KIAA0232: variants seen among roughly 807,000 people sequenced by gnomAD.
KIAA0232 encodes the protein KIAA0232, also known as uncharacterized protein KIAA0232.
A neutral mutation model predicts 122.0 loss-of-function variants in KIAA0232; 27 were observed. The observed-to-expected ratio is 0.22, with a 90% CI of 0.16 to 0.31. The LOEUF is 0.31. Among genes scored for constraint, KIAA0232 ranks in the 10% least tolerant of loss-of-function variants. The pLI, the probability that KIAA0232 is intolerant of heterozygous loss-of-function variation, is 1.00. For synonymous variants in KIAA0232, 613 were observed against 587.6 expected (o/e 1.04, Z -0.63); for missense variants, 1,551 against 1,634.2 (o/e 0.95, Z 0.88).
chr4:6,829,645 A>C (rs954120213), intron 3 of KIAA0232, among the ~76,000 whole-genome samples: 4 of 152,242 alleles, frequency 2.6e-5, no homozygotes, highest in African/African-American at 9.6e-5. Flanking sequence ...AGTGAATGGC[A>C]TGGCAGTGTG....
intron 1 of KIAA0232, among the ~76,000 whole-genome samples, chr4:6,796,005 G>A (rs939777250): frequency 2.0e-5 from 3 of 152,214 alleles, no homozygotes; most frequent in Non-Finnish European, 2.9e-5. Flanking sequence ...CTGGGAAGAG[G>A]AGGAGCAGCC....
chr4:6,858,575 T>G, intron 6 of KIAA0232, 69 bp downstream of exon 6: 2 of 989,712 alleles, frequency 2.0e-6, no homozygotes, highest in Non-Finnish European at 3.0e-6. Context: ...GCTACATGGT[T>G]TCCGTTTTCT....
intron 4 of KIAA0232, among the ~76,000 whole-genome samples, chr4:6,856,712 CA>C (rs760896561): frequency 3.4e-5 from 5 of 148,608 alleles, no homozygotes; most frequent in Non-Finnish European, 5.9e-5. Context: ...TTGTTTTCTT[CA>C]GGGTGTGAGC....
Position 6,861,108 on chromosome 4 carries a change from T to C in KIAA0232, c.726T>C (p.Thr242=). 2 of 1,614,122 alleles carry C rather than the reference T, an allele frequency of 1.2e-6. No homozygotes were observed. Among genetic ancestry groups the C allele is most frequent in the Non-Finnish European group, 1.7e-6 (2 of 1,180,008 alleles). The stretch of plus-strand genomic sequence containing the variant: ...AAAGAAGCAGTGAAGTACCCACCAC[T>C]GTGCATGAGAAAACCCAGAGCAAAA... ...TKERSSEVPT[T]VHEKTQSKSK... Residue 242 remains threonine (T), a synonymous_variant, in exon 7 of 10, where the codon ACT becomes ACC. Coordinates refer to ENST00000307659, the MANE Select transcript of KIAA0232 (RefSeq NM_014743.3).
chr4:6,878,864 G>A (rs998194323), intron 9 of KIAA0232, among the ~76,000 whole-genome samples: 1 of 152,136 alleles, frequency 6.6e-6, no homozygotes, highest in African/African-American at 2.4e-5. Flanking sequence ...CATCGTCCAC[G>A]TCCTGCTGCC....
intron 3 of KIAA0232, among the ~76,000 whole-genome samples, chr4:6,838,813 T>C (rs1054694718): frequency 3.3e-5 from 5 of 151,556 alleles, no homozygotes; most frequent in African/African-American, 4.9e-5. Context: ...TTTTTGGTAG[T>C]TTATGAATTG....
intron 4 of KIAA0232, among the ~76,000 whole-genome samples, chr4:6,854,134 G>A (rs1444311696): frequency 6.6e-6 from 1 of 152,060 alleles, no homozygotes; most frequent in African/African-American, 2.4e-5. Flanking sequence ...TTGAAGTGAT[G>A]AATCAAAAAA....
rs1716744219 is a variant in KIAA0232, at chr4:6,788,651, A to AATT, written c.-354+5810_-354+5811insATT. ...TCTGATTTCCTCTAGTGTGCAATATAGTCTTTTACATAGTACTCATTTGTT... is the reference window on the plus strand; with the variant it reads ...TCTGATTTCCTCTAGTGTGCAATATAATTGTCTTTTACATAGTACTCATTTGTT... On this transcript the variant is annotated intron_variant, in intron 1 of 9. Transcript: ENST00000307659. 2.6e-5 allele frequency among the ~76,000 whole-genome samples: 4 copies of AATT among 152,244 alleles called. 1 individual carries two copies. The highest frequency in any genetic ancestry group is 4.1e-4 in the South Asian group (2 of 4,832).
chr4:6,795,467 A>G lies in KIAA0232; in HGVS notation c.-353-9056A>G, dbSNP rs1012726943. Among the ~76,000 whole-genome samples the G allele has an allele frequency of 2.0e-5, 3 of 152,228 alleles. No homozygotes were observed. In the South Asian group the frequency reaches 6.2e-4, roughly 32 times the overall value. On this transcript the variant is annotated intron_variant, in intron 1 of 9. Coordinates refer to ENST00000307659, the MANE Select transcript of KIAA0232 (RefSeq NM_014743.3). ...TGCCAAAGACAGTGTGAAAAATTAC[A>G]ATGTAACATATATCATTAATTTTTA...
At chr4:6,825,929 C>A (rs1718655521) in intron 3 of KIAA0232, among the ~76,000 whole-genome samples, 1 of 152,140 alleles carries the variant, frequency 6.6e-6, no homozygotes, top group Non-Finnish European at 1.5e-5. Context: ...CTATAAATAA[C>A]ACATACAGAG....
intron 2 of KIAA0232, among the ~76,000 whole-genome samples, chr4:6,822,509 C>T (rs1297724751): frequency 6.6e-6 from 1 of 151,956 alleles, no homozygotes; most frequent in Non-Finnish European, 1.5e-5. Flanking sequence ...TTTGGTAGCC[C>T]TCTTATTATC....
At chr4:6,841,936 A>G (rs1719683552) in intron 3 of KIAA0232, 131 bp from the exon 4 acceptor site, 4 of 1,048,346 alleles carry the variant, frequency 3.8e-6, no homozygotes, top group Non-Finnish European at 5.5e-6. Flanking sequence ...CGTCGCAGAA[A>G]TAGACAAGCC....
intron 1 of KIAA0232, among the ~76,000 whole-genome samples, chr4:6,795,274 G>A (rs879696966): frequency 6.6e-6 from 1 of 152,002 alleles, no homozygotes; most frequent in African/African-American, 2.4e-5. Flanking sequence ...GGGTTTCATC[G>A]TGCTAGCCAG....
intron 2 of KIAA0232, among the ~76,000 whole-genome samples, chr4:6,818,710 A>G (rs1041957180): frequency 4.2e-5 from 6 of 143,600 alleles, no homozygotes; most frequent in South Asian, 2.2e-4. Context: ...ACAGAACTGG[A>G]AAAAAAAAAA....
At chr4:6,859,199 A>G (rs1720728256) in intron 6 of KIAA0232, among the ~76,000 whole-genome samples, 1 of 152,018 alleles carries the variant, frequency 6.6e-6, no homozygotes, top group Non-Finnish European at 1.5e-5. Flanking sequence ...CAGAGGGAAC[A>G]TAGGCAATCC....
chr4:6,819,721 A>T (rs958539586), intron 2 of KIAA0232, among the ~76,000 whole-genome samples: 1 of 152,180 alleles, frequency 6.6e-6, no homozygotes, highest in Non-Finnish European at 1.5e-5. Context: ...AAACAGAACT[A>T]CCATTTGACC....
chr4:6,842,908 A>T (rs1304922136), intron 4 of KIAA0232, among the ~76,000 whole-genome samples: 1 of 151,980 alleles, frequency 6.6e-6, no homozygotes, highest in African/African-American at 2.4e-5. Flanking sequence ...TTTTTCTGTT[A>T]TGCAGTCTAG....
In KIAA0232 at chr4:6,863,631, A is replaced by G. The variant is rs570648055; in HGVS notation, c.3249A>G (p.Glu1083=). The change falls in exon 7 of 10, where the codon GAA becomes GAG. Residue 1083 remains glutamate, a synonymous_variant. Transcript: ENST00000307659. ...KSILCSDSDS[E]VFHPRICGVD... ...TCCTCTGTTCTGATTCAGACAGTGAAGTGTTTCACCCCAGGATATGTGGTG... is the reference window on the plus strand; with the variant it reads ...TCCTCTGTTCTGATTCAGACAGTGAGGTGTTTCACCCCAGGATATGTGGTG... 4 of 1,614,054 alleles carry G rather than the reference A, an allele frequency of 2.5e-6. No homozygotes were observed. Among genetic ancestry groups the G allele is most frequent in the Middle Eastern group, 1.6e-4 (1 of 6,084 alleles).
intron 4 of KIAA0232, among the ~76,000 whole-genome samples, chr4:6,854,630 T>C (rs1720476866): frequency 6.6e-6 from 1 of 152,180 alleles, no homozygotes; most frequent in African/African-American, 2.4e-5. Flanking sequence ...TAATTTGAAT[T>C]TTAGAGTGCT....
Sources: gnomAD v4.1 joint callset for allele counts (sites outside exome capture counted in the v4.1 genomes callset) on GRCh38, gnomAD v4.1.1 for gene constraint, MANE v1.5 for transcripts, NCBI Gene and HGNC (gene_info 2026-07-23, HGNC 2026-07-21) for gene names.